Variants in STPG2 observed in about 807,000 individuals in gnomAD.
STPG2 encodes sperm-tail PG-rich repeat-containing protein 2.
In STPG2, 56 loss-of-function variants were observed where a neutral mutation model predicts 54.2. The observed-to-expected ratio is 1.03, with a 90% CI of 0.83 to 1.29. The LOEUF is 1.29. STPG2 is among the 50% of genes most tolerant of loss of function. STPG2 has a pLI of 0.00. For missense variants in STPG2, 596 were observed against 544.9 expected, an observed-to-expected ratio of 1.09 and a Z score of -0.93; for synonymous variants, 200 against 181.8, an observed-to-expected ratio of 1.10 and a Z score of -0.81.
At chr4:97,473,121 C>T (rs4116794) in intron 4 of STPG2, among the ~76,000 whole-genome samples, 49 of 152,114 alleles carry the variant, frequency 3.2e-4, no homozygotes, top group African/African-American at 1.0e-3. Flanking sequence ...GTGATAATTG[C>T]GTTAACTGCA....
chr4:97,589,846 C>T (rs143321397), intron 10 of STPG2, among the ~76,000 whole-genome samples: 1 of 152,148 alleles, frequency 6.6e-6, no homozygotes, highest in East Asian at 1.9e-4. Context: ...CAAACACTTA[C>T]CACTGTGTTA....
At chr4:97,699,016 A>G (rs1723678763) in intron 10 of STPG2, among the ~76,000 whole-genome samples, 1 of 152,208 alleles carries the variant, frequency 6.6e-6, no homozygotes, top group African/African-American at 2.4e-5. Context: ...GCAAACACAT[A>G]TCCAGAGTAA....
intron 4 of STPG2, among the ~76,000 whole-genome samples, chr4:97,462,399 A>G (rs1170319180): frequency 6.6e-6 from 1 of 152,024 alleles, no homozygotes; most frequent in Non-Finnish European, 1.5e-5. Context: ...ATAAATTTTC[A>G]TATAAATTTT....
intron 9 of STPG2, among the ~76,000 whole-genome samples, chr4:97,721,603 T>A (rs1159761515): frequency 2.0e-5 from 3 of 152,210 alleles, no homozygotes; most frequent in Non-Finnish European, 2.9e-5. Context: ...ATAAAAAAAA[T>A]TAAGATTTTG....
intron 6 of STPG2, among the ~76,000 whole-genome samples, chr4:97,975,758 G>T (rs1387138785): frequency 6.6e-6 from 1 of 152,062 alleles, no homozygotes; most frequent in Non-Finnish European, 1.5e-5. Flanking sequence ...GTTTTTCTGG[G>T]CTTCAAGTTC....
At chr4:97,664,739 A>T (rs1722470564) in intron 10 of STPG2, among the ~76,000 whole-genome samples, 1 of 152,006 alleles carries the variant, frequency 6.6e-6, no homozygotes, top group Non-Finnish European at 1.5e-5. Flanking sequence ...ATGTCACGGG[A>T]TCCTTGGGGT....
intron 4 of STPG2, among the ~76,000 whole-genome samples, chr4:97,467,891 G>A (rs897529537): frequency 1.3e-5 from 2 of 148,478 alleles, no homozygotes; most frequent in Non-Finnish European, 3.0e-5. Flanking sequence ...ACTGCATTAA[G>A]AATGGATTTG....
chr4:97,945,515 A>G (rs192545794), intron 7 of STPG2, among the ~76,000 whole-genome samples: 143 of 152,266 alleles, frequency 9.4e-4, no homozygotes, highest in African/African-American at 3.1e-3. Context: ...TGGCTACAAT[A>G]AACATACACA....
intron 10 of STPG2, among the ~76,000 whole-genome samples, chr4:97,599,046 G>A (rs1225043751): frequency 6.6e-6 from 1 of 152,092 alleles, no homozygotes; most frequent in East Asian, 1.9e-4. Context: ...GCATCTATAA[G>A]TAACTTAAAC....
At chr4:97,760,696 T>C (rs944119382) in intron 9 of STPG2, among the ~76,000 whole-genome samples, 3 of 152,208 alleles carry the variant, frequency 2.0e-5, no homozygotes, top group African/African-American at 7.2e-5. Context: ...TCTATGTGCA[T>C]ACCTCTGAGC....
chr4:97,700,341 C>T (rs1723729975), intron 10 of STPG2, among the ~76,000 whole-genome samples: 1 of 152,172 alleles, frequency 6.6e-6, no homozygotes, highest in South Asian at 2.1e-4. Context: ...TTGGGTCACT[C>T]AACAAATGGG....
At chr4:97,908,092 TG>T (rs1352470034) in intron 8 of STPG2, among the ~76,000 whole-genome samples, 3 of 151,208 alleles carry the variant, frequency 2.0e-5, no homozygotes, top group Non-Finnish European at 4.4e-5. Flanking sequence ...ACCTACAAAA[TG>T]GGAGAAAATT....
intron 10 of STPG2, among the ~76,000 whole-genome samples, chr4:97,652,360 A>G (rs1440212763): frequency 6.6e-6 from 1 of 151,878 alleles, no homozygotes; most frequent in Non-Finnish European, 1.5e-5. Context: ...TTTTCCTTAT[A>G]TTAAGAGATT....
At chr4:98,010,159 A>C (rs914384912) in intron 5 of STPG2, among the ~76,000 whole-genome samples, 1 of 151,340 alleles carries the variant, frequency 6.6e-6, no homozygotes, top group Non-Finnish European at 1.5e-5. Context: ...TTTTTTTCTT[A>C]ATTTTCTAGA....
At chr4:97,868,816 C>A (rs1009354037) in intron 8 of STPG2, among the ~76,000 whole-genome samples, 4 of 151,866 alleles carry the variant, frequency 2.6e-5, no homozygotes, top group African/African-American at 9.7e-5. Flanking sequence ...TTTACCAAAC[C>A]AATTTTTAAT....
At chr4:97,697,547 C>T (rs539079667) in intron 10 of STPG2, among the ~76,000 whole-genome samples, 14 of 152,178 alleles carry the variant, frequency 9.2e-5, no homozygotes, top group African/African-American at 3.1e-4. Context: ...CTGATTCCTG[C>T]GAGAAGTAGC....
At chr4:97,957,162 A>C (rs375177507) in intron 7 of STPG2, among the ~76,000 whole-genome samples, 2 of 90,104 alleles carry the variant, frequency 2.2e-5, no homozygotes, top group Non-Finnish European at 5.2e-5. Context: ...AATATATATG[A>C]AATATATATG....
Position 97,571,677 on chromosome 4 carries a change from C to A in STPG2, c.1321-12560G>T, listed in dbSNP as rs188316995. On this transcript the variant is annotated intron_variant, in intron 10 of 10. Coordinates refer to ENST00000295268, the MANE Select transcript of STPG2 (RefSeq NM_174952.3). ...AGTTGTCCCACCTTTCTGGACCAAA[C>A]CAATGTATTTCTTAAATGTATTTGA... 4.1e-3 allele frequency among the ~76,000 whole-genome samples: 628 copies of A among 152,204 alleles called. 3 individuals carry two copies. The highest frequency in any genetic ancestry group is 0.02 in the South Asian group (97 of 4,826).
intron 9 of STPG2, among the ~76,000 whole-genome samples, chr4:97,825,771 A>G (rs906234218): frequency 2.0e-5 from 3 of 152,360 alleles, no homozygotes; most frequent in African/African-American, 7.2e-5. Flanking sequence ...TTTAAAATTA[A>G]TAAGAGCTTA....
Sources: allele counts gnomAD v4.1 joint callset (sites outside exome capture counted in the v4.1 genomes callset), GRCh38; gene constraint gnomAD v4.1.1; transcripts MANE v1.5; gene names NCBI Gene and HGNC (gene_info 2026-07-23, HGNC 2026-07-21).